EDIL3: variants seen among roughly 807,000 people sequenced by gnomAD.
EDIL3 encodes EGF-like repeat and discoidin I-like domain-containing protein 3.
A neutral mutation model predicts 67.4 loss-of-function variants in EDIL3; 37 were observed. That is an observed-to-expected ratio of 0.55 (90% CI 0.42 to 0.72). The LOEUF (loss-of-function observed/expected upper bound fraction) is 0.72. EDIL3 is among the 30% of genes least tolerant of loss of function. The pLI is 0.00. For missense variants in EDIL3, 527 were observed against 586.3 expected (o/e 0.90, Z 1.04); for synonymous variants, 195 against 196.3 (o/e 0.99, Z 0.05).
intron 6 of EDIL3, among the ~76,000 whole-genome samples, chr5:84,078,411 G>A (rs1296837324): frequency 6.6e-6 from 1 of 151,996 alleles, no homozygotes; most frequent in Non-Finnish European, 1.5e-5. Context: ...AAAGAAACAA[G>A]ATAATTAAAT....
chr5:83,954,989 G>T (rs1053647701), intron 10 of EDIL3, among the ~76,000 whole-genome samples: 1 of 151,696 alleles, frequency 6.6e-6, no homozygotes, highest in Non-Finnish European at 1.5e-5. Context: ...GGAGCTAATC[G>T]CTAATCAATA....
At chr5:84,329,008 A>G (rs1746820408) in intron 1 of EDIL3, among the ~76,000 whole-genome samples, 1 of 152,026 alleles carries the variant, frequency 6.6e-6, no homozygotes, top group South Asian at 2.1e-4. Flanking sequence ...CTCTCCCACC[A>G]CTTAAACTTC....
At chr5:84,119,843 C>T (rs921621404) in intron 5 of EDIL3, among the ~76,000 whole-genome samples, 2 of 151,864 alleles carry the variant, frequency 1.3e-5, no homozygotes, top group African/African-American at 4.8e-5. Context: ...CAAACCATTT[C>T]CCCCCAAATT....
chr5:84,306,215 G>T (rs74765392), intron 1 of EDIL3, among the ~76,000 whole-genome samples: 1 of 152,138 alleles, frequency 6.6e-6, no homozygotes, highest in East Asian at 1.9e-4. Context: ...AGGTAAGAAG[G>T]TCATTGGCTT....
At chr5:84,314,194 C>T (rs1404085493) in intron 1 of EDIL3, among the ~76,000 whole-genome samples, 2 of 151,698 alleles carry the variant, frequency 1.3e-5, no homozygotes, top group East Asian at 3.9e-4. Flanking sequence ...GAGACTCCAT[C>T]TCAAAAAAAG....
At chr5:84,245,893 T>C (rs905361676) in intron 2 of EDIL3, among the ~76,000 whole-genome samples, 1 of 145,416 alleles carries the variant, frequency 6.9e-6, no homozygotes, top group Admixed American at 7.2e-5. Flanking sequence ...TCCTATTTTT[T>C]CAATAATTTT....
chr5:84,141,925 A>ATG (rs1748199182), intron 4 of EDIL3, among the ~76,000 whole-genome samples: 1 of 69,820 alleles, frequency 1.4e-5, no homozygotes, highest in African/African-American at 5.8e-5. Flanking sequence ...ATATATATAC[A>ATG]CATATATATA....
intron 1 of EDIL3, among the ~76,000 whole-genome samples, chr5:84,344,152 A>T (rs1747187510): frequency 6.6e-6 from 1 of 152,136 alleles, no homozygotes; most frequent in Admixed American, 6.6e-5. Flanking sequence ...ATAGACACAA[A>T]GTTTGCAAAA....
chr5:84,132,944 C>G (rs1355926448), intron 5 of EDIL3, among the ~76,000 whole-genome samples: 2 of 151,828 alleles, frequency 1.3e-5, no homozygotes, highest in Non-Finnish European at 2.9e-5. Flanking sequence ...GTTTGTTTGT[C>G]ATAATTGTTT....
chr5:84,053,166 A>T (rs112981466), intron 9 of EDIL3, among the ~76,000 whole-genome samples: 28,670 of 152,094 alleles, frequency 0.19, 3,017 homozygotes, highest in Admixed American at 0.24. Context: ...ACTCAAAACC[A>T]CTCAACTACA....
At chr5:84,365,354 AT>A (rs746175181) in intron 1 of EDIL3, among the ~76,000 whole-genome samples, 5 of 152,126 alleles carry the variant, frequency 3.3e-5, no homozygotes, top group East Asian at 3.8e-4. Context: ...ATTGTTTTTC[AT>A]TTTAACATCC....
chr5:84,260,103 G>C (rs1026509131), intron 1 of EDIL3, among the ~76,000 whole-genome samples: 1 of 152,178 alleles, frequency 6.6e-6, no homozygotes, highest in Non-Finnish European at 1.5e-5. Context: ...ACACATATCA[G>C]AGAATTACTG....
At chr5:84,331,753 T>G (rs1223464611) in intron 1 of EDIL3, among the ~76,000 whole-genome samples, 2 of 152,234 alleles carry the variant, frequency 1.3e-5, no homozygotes, top group African/African-American at 4.8e-5. Flanking sequence ...TATACTATTT[T>G]TAAATTTAAT....
chr5:84,049,719 GCTCAAAGTATTAGTTGAATTTTAAAGT>G lies in EDIL3; in HGVS notation c.1137+10554_1137+10580del, dbSNP rs147232018. On this transcript the variant is annotated intron_variant, in intron 9 of 10. Transcript: ENST00000296591. Reference sequence around the variant, plus strand: ...AGATAACACATTGGTAAGCTTTATTGCTCAAAGTATTAGTTGAATTTTAAAGTTTTACAAACCATCATACACAGAGGT... The same window carrying G: ...AGATAACACATTGGTAAGCTTTATTGTTTACAAACCATCATACACAGAGGT... Among the ~76,000 whole-genome samples the G allele has an allele frequency of 7.3e-3, 1,108 of 152,252 alleles. 16 individuals are homozygous for G. The highest frequency in any genetic ancestry group is 0.026 in the African/African-American group (1,064 of 41,536).
At chr5:84,311,131 G>T (rs1310650505) in intron 1 of EDIL3, among the ~76,000 whole-genome samples, 1 of 151,722 alleles carries the variant, frequency 6.6e-6, no homozygotes, top group African/African-American at 2.4e-5. Context: ...GTTATTTCCG[G>T]TTTTTTAATA....
chr5:84,024,088 T>C (rs888602877), intron 9 of EDIL3, among the ~76,000 whole-genome samples: 2 of 152,216 alleles, frequency 1.3e-5, no homozygotes, highest in Admixed American at 1.3e-4. Context: ...TTGGTATTTA[T>C]ACCAGGCAAA....
At chr5:84,088,372 G>C (rs1470350908) in intron 6 of EDIL3, among the ~76,000 whole-genome samples, 2 of 152,110 alleles carry the variant, frequency 1.3e-5, no homozygotes, top group African/African-American at 2.4e-5. Flanking sequence ...TAAATGTCTG[G>C]GTTTTTTGTT....
intron 9 of EDIL3, among the ~76,000 whole-genome samples, chr5:83,986,313 T>C (rs1406895622): frequency 6.6e-6 from 1 of 152,142 alleles, no homozygotes; most frequent in Non-Finnish European, 1.5e-5. Context: ...TCTTCCATCA[T>C]ATGCTTTATG....
At chr5:84,198,138 T>C (rs1743751871) in intron 3 of EDIL3, among the ~76,000 whole-genome samples, 1 of 151,982 alleles carries the variant, frequency 6.6e-6, no homozygotes, top group South Asian at 2.1e-4. Flanking sequence ...ACTCTAATGG[T>C]ACCAATCTCT....
Sources: allele counts gnomAD v4.1 joint callset (sites outside exome capture counted in the v4.1 genomes callset), GRCh38; gene constraint gnomAD v4.1.1; transcripts MANE v1.5; gene names NCBI Gene and HGNC (gene_info 2026-07-23, HGNC 2026-07-21).